The following SMARCAD1 variants were observed in gnomAD, a reference collection of about 807,000 sequenced individuals.
The protein encoded by SMARCAD1 is SWI/SNF-related matrix-associated actin-dependent regulator of chromatin subfamily A containing DEAD/H box 1.
SMARCAD1 carries 25 observed loss-of-function variants against 127.1 expected under a neutral mutation model. The ratio of observed to expected loss-of-function variants is 0.20; its 90% CI spans 0.14 to 0.27. The LOEUF (loss-of-function observed/expected upper bound fraction) is 0.27, where lower values mean the gene tolerates loss of function less well. Among genes scored for constraint, SMARCAD1 ranks in the 10% least tolerant of loss-of-function variants. The pLI is 1.00. For missense variants in SMARCAD1, 807 were observed against 1,206.0 expected (o/e 0.67, Z 4.90); for synonymous variants, 400 against 396.9 (o/e 1.01, Z -0.09).
intron 23 of SMARCAD1, among the ~76,000 whole-genome samples, chr4:94,285,764 G>C (rs970455280): frequency 6.6e-6 from 1 of 152,162 alleles, no homozygotes; most frequent in Non-Finnish European, 1.5e-5. Context: ...GTGGGCGGTA[G>C]AGAAAGTTTG....
At chr4:94,243,471 G>A (rs1229776636) in intron 6 of SMARCAD1, among the ~76,000 whole-genome samples, 1 of 152,104 alleles carries the variant, frequency 6.6e-6, no homozygotes, top group Non-Finnish European at 1.5e-5. Flanking sequence ...ATCACATAAC[G>A]GCTCAAGTCT....
At chr4:94,269,731 T>G (rs1442346306) in intron 10 of SMARCAD1, among the ~76,000 whole-genome samples, 1 of 152,114 alleles carries the variant, frequency 6.6e-6, no homozygotes, top group Non-Finnish European at 1.5e-5. Flanking sequence ...TGCAATGGCA[T>G]GATCTCAGCT....
chr4:94,283,362 C>CT, intron 22 of SMARCAD1, 59 bp downstream of exon 22: 2 of 1,523,882 alleles, frequency 1.3e-6, no homozygotes, highest in Non-Finnish European at 1.8e-6. Flanking sequence ...TTGTGTAGAC[C>CT]ATTAGAATAT....
intron 22 of SMARCAD1, among the ~76,000 whole-genome samples, chr4:94,283,547 C>T (rs963744377): frequency 5.3e-5 from 8 of 152,184 alleles, no homozygotes; most frequent in African/African-American, 1.2e-4. Flanking sequence ...AATTGACGGC[C>T]GGGCGCCGTG....
intron 3 of SMARCAD1, among the ~76,000 whole-genome samples, chr4:94,232,191 TA>T (rs761528969): frequency 4.7e-5 from 7 of 150,536 alleles, no homozygotes; most frequent in Non-Finnish European, 2.9e-5. Context: ...TGACATTATT[TA>T]TTTTCTATCA....
chr4:94,235,673 G>GT (rs1181859030), intron 4 of SMARCAD1, among the ~76,000 whole-genome samples: 1 of 138,054 alleles, frequency 7.2e-6, no homozygotes, highest in Non-Finnish European at 1.5e-5. Flanking sequence ...GGAAACAAAT[G>GT]TAGACATGAG....
At chr4:94,271,365 A>T (rs1045701239) in intron 11 of SMARCAD1, among the ~76,000 whole-genome samples, 1 of 152,188 alleles carries the variant, frequency 6.6e-6, no homozygotes, top group African/African-American at 2.4e-5. Flanking sequence ...AGCTGAGTTC[A>T]CAAAGTTTGT....
intron 20 of SMARCAD1, 49 bp downstream of exon 20, chr4:94,280,829 C>T (rs746913288): frequency 6.5e-7 from 1 of 1,541,996 alleles, no homozygotes; most frequent in Non-Finnish European, 9.0e-7. Flanking sequence ...ATTACTTTAA[C>T]TTCTTAAAGC....
intron 8 of SMARCAD1, among the ~76,000 whole-genome samples, chr4:94,251,353 C>T (rs370104013): frequency 1.3e-5 from 2 of 152,114 alleles, no homozygotes; most frequent in Admixed American, 1.3e-4. Context: ...TAGTAACATA[C>T]CTAAGGAAGA....
chr4:94,281,689 T>A (rs1019140617), intron 21 of SMARCAD1, 99 bp downstream of exon 21: 15 of 808,468 alleles, frequency 1.9e-5, no homozygotes, highest in Non-Finnish European at 2.9e-5. Context: ...TTTGTTGTTT[T>A]TATGTTTGAT....
At chr4:94,212,971 A>G in intron 2 of SMARCAD1, 2 of 828,282 alleles carry the variant, frequency 2.4e-6, no homozygotes, top group African/African-American at 3.5e-5. Context: ...CGGTGCCCAA[A>G]GTTGTCAATG....
intron 9 of SMARCAD1, among the ~76,000 whole-genome samples, chr4:94,258,471 G>A (rs1383357081): frequency 6.6e-6 from 1 of 152,092 alleles, no homozygotes; most frequent in Non-Finnish European, 1.5e-5. Context: ...TAATCTGTCA[G>A]TTTCATCTCT....
intron 9 of SMARCAD1, among the ~76,000 whole-genome samples, chr4:94,255,838 T>C (rs1749997380): frequency 6.6e-6 from 1 of 152,068 alleles, no homozygotes; most frequent in Admixed American, 6.5e-5. Flanking sequence ...AAATTTTTCT[T>C]CATAATTTTT....
At position 94,285,074 on chromosome 4, in the gene SMARCAD1, GT is replaced by G; in HGVS notation, c.3019+7del. ...ATATGACTACAGTAGATGAAGGTGA[GT>G]TGTTTGTAAGCAGAAACTTCAATAT... On this transcript the variant is annotated splice_donor_region_variant and intron_variant, in intron 23 of 23. Transcript: ENST00000354268. 1 of 1,573,770 alleles carries G rather than the reference GT, an allele frequency of 6.4e-7. No homozygotes were observed. Among genetic ancestry groups the G allele is most frequent in the Non-Finnish European group, 8.7e-7 (1 of 1,146,802 alleles).
At chr4:94,223,687 C>A (rs1744525709) in intron 2 of SMARCAD1, among the ~76,000 whole-genome samples, 1 of 150,832 alleles carries the variant, frequency 6.6e-6, no homozygotes, top group African/African-American at 2.4e-5. Context: ...TCCTGCCTCA[C>A]CTCCCCAGTA....
intron 5 of SMARCAD1, among the ~76,000 whole-genome samples, chr4:94,240,304 C>T (rs1044164232): frequency 3.9e-5 from 6 of 152,146 alleles, no homozygotes; most frequent in East Asian, 1.9e-4. Context: ...CTTCCAGTCA[C>T]GACAATATGC....
chr4:94,220,374 A>T (rs747650964), intron 2 of SMARCAD1, among the ~76,000 whole-genome samples: 1 of 151,956 alleles, frequency 6.6e-6, no homozygotes, highest in Non-Finnish European at 1.5e-5. Flanking sequence ...CAGCCTCCCT[A>T]GTAGCTGGGA....
At chr4:94,258,291 A>T (rs1750425232) in intron 9 of SMARCAD1, among the ~76,000 whole-genome samples, 1 of 151,824 alleles carries the variant, frequency 6.6e-6, no homozygotes, top group African/African-American at 2.4e-5. Context: ...AGTAGTTGGG[A>T]TTACAGGCGT....
At chr4:94,230,415 T>G (rs1333775731) in intron 3 of SMARCAD1, among the ~76,000 whole-genome samples, 1 of 152,202 alleles carries the variant, frequency 6.6e-6, no homozygotes, top group Non-Finnish European at 1.5e-5. Flanking sequence ...TTATTATTTT[T>G]TGCAACTCCA....
Sources: gnomAD v4.1 joint callset for allele counts (sites outside exome capture counted in the v4.1 genomes callset) on GRCh38, gnomAD v4.1.1 for gene constraint, MANE v1.5 for transcripts, NCBI Gene and HGNC (gene_info 2026-07-23, HGNC 2026-07-21) for gene names.